SORCS1: variants seen among roughly 807,000 people sequenced by gnomAD.
SORCS1 encodes sortilin related VPS10 domain containing receptor 1.
SORCS1 carries 60 observed loss-of-function variants against 146.1 expected under a neutral mutation model. The ratio of observed to expected loss-of-function variants is 0.41; its 90% CI spans 0.33 to 0.51. SORCS1 has a LOEUF of 0.51. SORCS1 is among the 20% of genes least tolerant of loss of function. SORCS1 has a pLI of 0.21. For synonymous variants in SORCS1, 637 were observed against 584.0 expected (o/e 1.09, Z -1.31); for missense variants, 1,352 against 1,487.6 (o/e 0.91, Z 1.50).
chr10:106,887,705 G>C (rs1380721330), intron 2 of SORCS1, among the ~76,000 whole-genome samples: 4 of 151,998 alleles, frequency 2.6e-5, no homozygotes, highest in African/African-American at 9.7e-5. Flanking sequence ...CTCCTGCACT[G>C]ACAGTTACAG....
chr10:106,818,557 G>A (rs1359872660), intron 3 of SORCS1, among the ~76,000 whole-genome samples: 3 of 152,012 alleles, frequency 2.0e-5, no homozygotes, highest in Non-Finnish European at 2.9e-5. Context: ...ATAGAAACGG[G>A]GTTTCACCAT....
At chr10:107,076,852 G>A (rs144058861) in intron 1 of SORCS1, among the ~76,000 whole-genome samples, 14 of 152,264 alleles carry the variant, frequency 9.2e-5, no homozygotes, top group African/African-American at 2.9e-4. Flanking sequence ...TGTAGGAGGA[G>A]TCTGGGACAT....
At chr10:106,866,959 G>A (rs1364975594) in intron 2 of SORCS1, among the ~76,000 whole-genome samples, 2 of 152,184 alleles carry the variant, frequency 1.3e-5, no homozygotes, top group African/African-American at 4.8e-5. Context: ...TGTCCTACAA[G>A]TCACCACACC....
At chr10:106,744,950 G>T (rs1857613519) in intron 5 of SORCS1, among the ~76,000 whole-genome samples, 1 of 152,146 alleles carries the variant, frequency 6.6e-6, no homozygotes, top group Non-Finnish European at 1.5e-5. Flanking sequence ...AAGTGCATTT[G>T]CTTCTGACGT....
At chr10:106,758,788 C>G (rs1272217290) in intron 5 of SORCS1, among the ~76,000 whole-genome samples, 6 of 152,116 alleles carry the variant, frequency 3.9e-5, no homozygotes, top group Non-Finnish European at 8.8e-5. Context: ...CAGTAAGAGA[C>G]AGAGTTGAGA....
intron 4 of SORCS1, among the ~76,000 whole-genome samples, chr10:106,764,893 G>A (rs548087554): frequency 5.3e-5 from 8 of 151,930 alleles, no homozygotes; most frequent in South Asian, 2.1e-4. Flanking sequence ...CGTGGTGGCC[G>A]GTGCCTGTAG....
At chr10:107,131,532 G>C (rs536127792) in intron 1 of SORCS1, among the ~76,000 whole-genome samples, 1 of 152,196 alleles carries the variant, frequency 6.6e-6, no homozygotes, top group African/African-American at 2.4e-5. Flanking sequence ...AGACCAGCCT[G>C]GCCAACATGG....
intron 1 of SORCS1, among the ~76,000 whole-genome samples, chr10:107,061,704 T>A (rs1004756769): frequency 6.6e-6 from 1 of 152,204 alleles, no homozygotes. Context: ...CATTATTTGC[T>A]TGCTTTATTT....
chr10:106,754,564 C>G (rs545419574), intron 5 of SORCS1, among the ~76,000 whole-genome samples: 1 of 152,252 alleles, frequency 6.6e-6, no homozygotes, highest in South Asian at 2.1e-4. Context: ...ATGCAAAATA[C>G]TTAGCACAAG....
At chr10:106,741,608 A>G (rs1857368067) in intron 5 of SORCS1, among the ~76,000 whole-genome samples, 1 of 151,972 alleles carries the variant, frequency 6.6e-6, no homozygotes, top group South Asian at 2.1e-4. Flanking sequence ...TCAAAAAATA[A>G]TAATAATTAT....
At chr10:107,172,572 A>G in the SORCS1 span, among the ~76,000 whole-genome samples, 1 of 152,084 alleles carries the variant, frequency 6.6e-6, no homozygotes, top group Non-Finnish European at 1.5e-5. Context: ...TAGACTGCAA[A>G]CTCCTGTAGG....
At chr10:106,602,401 A>G (rs1846293352) in intron 23 of SORCS1, among the ~76,000 whole-genome samples, 1 of 152,120 alleles carries the variant, frequency 6.6e-6, no homozygotes, top group Non-Finnish European at 1.5e-5. Context: ...CTTTTGTGTT[A>G]AACAGAGGAA....
intron 2 of SORCS1, among the ~76,000 whole-genome samples, chr10:106,857,316 C>A (rs141553363): frequency 6.6e-6 from 1 of 152,168 alleles, no homozygotes; most frequent in Non-Finnish European, 1.5e-5. Context: ...ACGGAAGATG[C>A]CTTATTTCAG....
chr10:107,144,458 C>G lies in SORCS1; in HGVS notation c.558+19511G>C, dbSNP rs72814907. On this transcript the variant is annotated intron_variant, in intron 1 of 25. Coordinates refer to ENST00000263054, the MANE Select transcript of SORCS1 (RefSeq NM_052918.5). ...TTACCCTTTCCTTCCTCCTGTAACT[C>G]TTTGCTGACCACAGATGATGTGCCT... is the stretch of plus-strand genomic sequence containing the variant. Among the ~76,000 whole-genome samples the G allele has an allele frequency of 6.3e-3, 953 of 152,370 alleles. 6 individuals are homozygous for G. Among genetic ancestry groups the G allele is most frequent in the Non-Finnish European group, 0.011 (725 of 68,036 alleles).
chr10:106,949,580 C>A (rs1380931193), intron 2 of SORCS1, among the ~76,000 whole-genome samples: 1 of 152,196 alleles, frequency 6.6e-6, no homozygotes, highest in Non-Finnish European at 1.5e-5. Context: ...GCGTAATGGC[C>A]ACGAAATTGT....
intron 1 of SORCS1, among the ~76,000 whole-genome samples, chr10:107,058,903 G>T (rs569871733): frequency 6.6e-6 from 1 of 152,148 alleles, no homozygotes; most frequent in African/African-American, 2.4e-5. Flanking sequence ...ATATCAAATG[G>T]CAATAAGGTA....
chr10:107,154,594 A>T (rs1368292197), intron 1 of SORCS1, among the ~76,000 whole-genome samples: 1 of 152,224 alleles, frequency 6.6e-6, no homozygotes, highest in Admixed American at 6.5e-5. Flanking sequence ...AAGTGGAAAC[A>T]GCTAGAGTTG....
chr10:106,879,206 G>A (rs764371555), intron 2 of SORCS1, among the ~76,000 whole-genome samples: 9 of 151,224 alleles, frequency 6.0e-5, no homozygotes, highest in East Asian at 3.9e-4. Flanking sequence ...TGAGCATGCC[G>A]TTTAAGAAAG....
chr10:106,662,535 G>A lies in SORCS1; in HGVS notation c.2303+5154C>T, dbSNP rs138575921. ...ACTCTCTGGCCAGCCCTACACTTGC[G>A]ATTCCTTTGCACTTCATCCCAGCCC... On this transcript the variant is annotated intron_variant, in intron 17 of 25. Coordinates refer to ENST00000263054, the MANE Select transcript of SORCS1 (RefSeq NM_052918.5). Among the ~76,000 whole-genome samples the A allele has an allele frequency of 3.9e-3, 591 of 152,232 alleles. 4 individuals are homozygous for A. The highest frequency in any genetic ancestry group is 0.013 in the African/African-American group (552 of 41,546).
Sources: gnomAD v4.1 joint callset for allele counts (sites outside exome capture counted in the v4.1 genomes callset) on GRCh38, gnomAD v4.1.1 for gene constraint, MANE v1.5 for transcripts, NCBI Gene and HGNC (gene_info 2026-07-23, HGNC 2026-07-21) for gene names.